SATB1: variants seen among roughly 807,000 people sequenced by gnomAD.
SATB1 encodes the protein DNA-binding protein SATB1.
SATB1 carries 11 observed loss-of-function variants against 86.9 expected under a neutral mutation model. The ratio of observed to expected loss-of-function variants is 0.13; its 90% CI spans 0.08 to 0.21. The LOEUF (loss-of-function observed/expected upper bound fraction) is 0.21, where lower values mean the gene tolerates loss of function less well. Among genes scored for constraint, SATB1 ranks in the 10% least tolerant of loss-of-function variants. SATB1 has a pLI of 1.00. For missense variants in SATB1, 551 were observed against 937.6 expected, an observed-to-expected ratio of 0.59 and a Z score of 5.39; for synonymous variants, 357 against 357.2, an observed-to-expected ratio of 1.00 and a Z score of 0.01.
chr3:18,370,408 C>T (rs1009267386), intron 9 of SATB1, among the ~76,000 whole-genome samples: 3 of 150,162 alleles, frequency 2.0e-5, no homozygotes, highest in Admixed American at 6.7e-5. Flanking sequence ...GAGCCATCCC[C>T]AACTCCCCAA....
chr3:18,371,376 T>A (rs1163314140), intron 9 of SATB1, among the ~76,000 whole-genome samples: 1 of 152,200 alleles, frequency 6.6e-6, no homozygotes, highest in Admixed American at 6.5e-5. Context: ...TCTACTAATC[T>A]CTAAAATATA....
chr3:18,422,126 T>C (rs1442143203), intron 1 of SATB1, among the ~76,000 whole-genome samples: 1 of 152,162 alleles, frequency 6.6e-6, no homozygotes. Context: ...ATTTGAAGTA[T>C]TGAGCTTATG....
Position 18,417,045 on chromosome 3 carries a change from T to C in SATB1, c.245A>G (p.His82Arg), listed in dbSNP as rs770557398. ...ATCATATTCAATGGCGTTTTCATAA[T>C]GTTCCACCACACAGAAAACTGGCAG... ...TMLPVFCVVE[H>R]YENAIEYDCK... The change falls in exon 3 of 11, where the codon CAT becomes CGT. Residue 82 changes from histidine (H) to arginine (R), a missense_variant. Physicochemically the swap from His to Arg is conservative, Grantham distance 29 (BLOSUM62 0). This residue lies in a region of SATB1 where 153 missense variants were observed against 258.1 expected (regional missense o/e 0.59). Coordinates refer to ENST00000338745, the MANE Select transcript of SATB1 (RefSeq NM_002971.6). 7 of 1,613,388 alleles carry C rather than the reference T, an allele frequency of 4.3e-6. No homozygotes were observed. The highest frequency in any genetic ancestry group is 2.2e-5 in the South Asian group (2 of 91,028).
At chr3:18,378,429 C>G in intron 8 of SATB1, 104 bp from the exon 9 acceptor site, 5 of 1,123,486 alleles carry the variant, frequency 4.5e-6, no homozygotes, top group Non-Finnish European at 6.5e-6. Flanking sequence ...CTTTTATGAT[C>G]AAGGTGATCA....
At chr3:18,396,528 C>A (rs943280915) in intron 6 of SATB1, among the ~76,000 whole-genome samples, 1 of 152,162 alleles carries the variant, frequency 6.6e-6, no homozygotes, top group African/African-American at 2.4e-5. Context: ...CAACTTTTAT[C>A]TATCATTTTA....
In SATB1 at chr3:18,416,093, A is replaced by G. The variant is rs1473630757; in HGVS notation, c.429T>C (p.Ser143=). 6.2e-7 allele frequency: 1 copy of G among 1,611,030 alleles called. No homozygotes were observed. The highest frequency in any genetic ancestry group is 1.3e-5 in the African/African-American group (1 of 74,762). The part of the protein sequence containing the change: ...QVGKWNPVPL[S]YVTDAPDATV... ...TAGCATCAGGGGCATCTGTCACGTAAGACAGTGGAACTGGATTCCACTTTC... is the reference window on the plus strand; with the variant it reads ...TAGCATCAGGGGCATCTGTCACGTAGGACAGTGGAACTGGATTCCACTTTC... Residue 143 remains serine, a synonymous_variant, in exon 4 of 11, where the codon TCT becomes TCC. Coordinates refer to ENST00000338745, the MANE Select transcript of SATB1 (RefSeq NM_002971.6).
At chr3:18,383,321 A>C (rs1696154632) in intron 8 of SATB1, among the ~76,000 whole-genome samples, 1 of 152,192 alleles carries the variant, frequency 6.6e-6, no homozygotes, top group Admixed American at 6.5e-5. Context: ...CAAGTCCTTC[A>C]ATAGTTTAGG....
At chr3:18,413,756 G>T (rs1697985337) in intron 5 of SATB1, among the ~76,000 whole-genome samples, 1 of 152,030 alleles carries the variant, frequency 6.6e-6, no homozygotes. Flanking sequence ...GCAAGAAATG[G>T]ACACTTAACA....
intron 2 of SATB1, among the ~76,000 whole-genome samples, chr3:18,431,610 C>G (rs1698893485): frequency 1.3e-5 from 2 of 152,138 alleles, no homozygotes; most frequent in African/African-American, 4.8e-5. Flanking sequence ...CATATACAGC[C>G]AGGTTTGGCA....
intron 8 of SATB1, among the ~76,000 whole-genome samples, chr3:18,381,993 C>T (rs1390211426): frequency 6.6e-6 from 1 of 152,238 alleles, no homozygotes; most frequent in South Asian, 2.1e-4. Flanking sequence ...CATTTTATAA[C>T]CACATAAGCA....
At chr3:18,414,372 C>T (rs1286498599) in intron 5 of SATB1, among the ~76,000 whole-genome samples, 1 of 151,868 alleles carries the variant, frequency 6.6e-6, no homozygotes, top group Non-Finnish European at 1.5e-5. Context: ...TGTCTATAAG[C>T]AGGTAGGCAG....
intron 9 of SATB1, among the ~76,000 whole-genome samples, chr3:18,356,568 G>T (rs1298883676): frequency 6.6e-6 from 1 of 151,786 alleles, no homozygotes; most frequent in African/African-American, 2.4e-5. Context: ...GGAAAAATTA[G>T]CAGTTCTAAA....
chr3:18,362,860 CAAAAAAAA>C (rs35470564), intron 9 of SATB1, among the ~76,000 whole-genome samples: 3 of 32,294 alleles, frequency 9.3e-5, no homozygotes, highest in Non-Finnish European at 1.8e-4. Context: ...ATGCCATGTG[CAAAAAAAA>C]AAAAAAAAAA....
intron 6 of SATB1, among the ~76,000 whole-genome samples, chr3:18,395,636 C>T (rs763918277): frequency 1.3e-5 from 2 of 152,052 alleles, no homozygotes; most frequent in African/African-American, 4.8e-5. Flanking sequence ...GCCAGCATAC[C>T]CAGTGTTGCT....
intron 9 of SATB1, among the ~76,000 whole-genome samples, chr3:18,372,668 A>T (rs1283605481): frequency 3.9e-5 from 6 of 152,210 alleles, no homozygotes; most frequent in African/African-American, 9.6e-5. Context: ...GCATATTCAG[A>T]TCCACAATTA....
At chr3:18,380,927 T>C (rs1696022523) in intron 8 of SATB1, among the ~76,000 whole-genome samples, 1 of 152,202 alleles carries the variant, frequency 6.6e-6, no homozygotes, top group Non-Finnish European at 1.5e-5. Flanking sequence ...CACATTAAAA[T>C]TCATAAAGTA....
chr3:18,378,415 G>A, intron 8 of SATB1, 90 bp from the exon 9 acceptor site: 1 of 1,266,990 alleles, frequency 7.9e-7, no homozygotes, highest in South Asian at 1.3e-5. Context: ...GGACACTGTT[G>A]TTCCTTTTAT....
intron 4 of SATB1, 103 bp from the exon 5 acceptor site, chr3:18,415,337 G>C: frequency 7.5e-7 from 1 of 1,337,198 alleles, no homozygotes; most frequent in Non-Finnish European, 1.0e-6. Context: ...TCAAACAGAT[G>C]CATCTGGAGA....
intron 9 of SATB1, 96 bp downstream of exon 9, chr3:18,378,074 G>T: frequency 9.5e-7 from 1 of 1,056,402 alleles, no homozygotes; most frequent in Non-Finnish European, 1.3e-6. Flanking sequence ...AGGCCTCTCC[G>T]TGATGCAAGT....
Sources: allele counts gnomAD v4.1 joint callset (sites outside exome capture counted in the v4.1 genomes callset), GRCh38; gene constraint gnomAD v4.1.1; regional missense constraint gnomAD v4.1.1; transcripts MANE v1.5; gene names NCBI Gene and HGNC (gene_info 2026-07-23, HGNC 2026-07-21).